Variants in DOCK4 observed in about 807,000 individuals in gnomAD.
DOCK4 encodes dedicator of cytokinesis protein 4.
Under a neutral mutation model 268.1 loss-of-function variants are expected in DOCK4, and 97 were observed. The ratio of observed to expected loss-of-function variants is 0.36; its 90% CI spans 0.31 to 0.43. The LOEUF is 0.43. Ranked by LOEUF, DOCK4 falls within the 20% of genes least tolerant of loss-of-function variation. The pLI, the probability that DOCK4 is intolerant of heterozygous loss-of-function variation, is 1.00. For missense variants in DOCK4, 2,145 were observed against 2,455.7 expected (o/e 0.87, Z 2.67); for synonymous variants, 954 against 887.2 (o/e 1.08, Z -1.34).
intron 30 of DOCK4, among the ~76,000 whole-genome samples, chr7:111,796,942 CA>C (rs1423083946): frequency 5.9e-5 from 9 of 152,160 alleles, no homozygotes; most frequent in African/African-American, 2.2e-4. Flanking sequence ...TGCCGAGATC[CA>C]AAAACCAGAA....
chr7:112,137,879 C>T (rs1814508694), intron 1 of DOCK4, among the ~76,000 whole-genome samples: 1 of 152,168 alleles, frequency 6.6e-6, no homozygotes, highest in South Asian at 2.1e-4. Flanking sequence ...ATAATACTTG[C>T]TTCATAGGCT....
At chr7:112,031,966 A>C (rs1803316561) in intron 1 of DOCK4, among the ~76,000 whole-genome samples, 1 of 152,238 alleles carries the variant, frequency 6.6e-6, no homozygotes, top group Non-Finnish European at 1.5e-5. Flanking sequence ...AAAAGAAGGC[A>C]GTGGGTTTGC....
At position 112,025,291 on chromosome 7, in the gene DOCK4, G is replaced by T. The variant is rs149063551; in HGVS notation, c.38-21160C>A. On this transcript the variant is annotated intron_variant, in intron 1 of 52. Coordinates refer to ENST00000428084, the MANE Select transcript of DOCK4 (RefSeq NM_001363540.2). Reference sequence around the variant, plus strand: ...AAGCTCTCACTGAGCTTCCAATTAGGCTCTATGCAAGGGAAATCACCACAA... The same window carrying T: ...AAGCTCTCACTGAGCTTCCAATTAGTCTCTATGCAAGGGAAATCACCACAA... Among the ~76,000 whole-genome samples the T allele has an allele frequency of 2.0e-4, 31 of 152,178 alleles. No individual in the cohort carries two copies. In the East Asian group the frequency reaches 5.6e-3, roughly 28 times the overall value.
intron 6 of DOCK4, 65 bp from the exon 7 acceptor site, chr7:111,984,455 G>C: frequency 7.1e-7 from 1 of 1,413,854 alleles, no homozygotes; most frequent in East Asian, 2.4e-5. Context: ...AAAAACAATT[G>C]GTTTTTTACT....
chr7:111,878,246 G>A (rs1241005529), intron 16 of DOCK4, among the ~76,000 whole-genome samples: 1 of 152,226 alleles, frequency 6.6e-6, no homozygotes, highest in Non-Finnish European at 1.5e-5. Context: ...TATGGTCCCA[G>A]ATTTGAACAA....
At chr7:112,123,594 G>A (rs1156275187) in intron 1 of DOCK4, among the ~76,000 whole-genome samples, 1 of 152,122 alleles carries the variant, frequency 6.6e-6, no homozygotes, top group Non-Finnish European at 1.5e-5. Flanking sequence ...AAACCTCTTA[G>A]CCCCTGCATA....
rs564039337 is a variant in DOCK4 at position 112,193,598 on chromosome 7, T to TAAA, written c.37+12501_37+12503dup. 8.3e-5 allele frequency among the ~76,000 whole-genome samples: 11 copies of TAAA among 132,216 alleles called. 2 individuals are homozygous for TAAA. The highest frequency in any genetic ancestry group is 2.8e-4 in the African/African-American group (10 of 35,392). The allele number at this position is 132,216 out of a possible 152,430, so 86.7% of individuals were successfully genotyped here. On this transcript the variant is annotated intron_variant, in intron 1 of 52. Coordinates refer to ENST00000428084, the MANE Select transcript of DOCK4 (RefSeq NM_001363540.2). ...TGAGCGACAGAGCCAGACCATGCCTTAAAAAAAAAAAAAAAAAATTCTAGC... is the reference window on the plus strand; with the variant it reads ...TGAGCGACAGAGCCAGACCATGCCTTAAAAAAAAAAAAAAAAAAAAATTCTAGC...
At chr7:112,008,053 C>T (rs1231725031) in intron 1 of DOCK4, among the ~76,000 whole-genome samples, 4 of 152,138 alleles carry the variant, frequency 2.6e-5, no homozygotes, top group Non-Finnish European at 5.9e-5. Context: ...ATTTCCTTTT[C>T]TTGTTTTTCT....
At chr7:112,031,526 C>A (rs961795322) in intron 1 of DOCK4, among the ~76,000 whole-genome samples, 1 of 152,024 alleles carries the variant, frequency 6.6e-6, no homozygotes, top group Non-Finnish European at 1.5e-5. Context: ...GAAAGAAAAC[C>A]AGGCCCAATT....
chr7:111,944,771 T>C (rs1204751898), intron 10 of DOCK4, 40 bp downstream of exon 10: 2 of 1,576,726 alleles, frequency 1.3e-6, no homozygotes, highest in Non-Finnish European at 8.7e-7. Flanking sequence ...TTCTCCTCTC[T>C]GTTCCTTGCC....
rs181567537 is a variant in DOCK4 at position 111,742,223 on chromosome 7, G to A, written c.4678-91C>T. On this transcript the variant is annotated intron_variant, in intron 44 of 52. Coordinates refer to ENST00000428084, the MANE Select transcript of DOCK4 (RefSeq NM_001363540.2). ...GGCCGAGCACTTTACTACGCATTTC[G>A]CTTGCATTATTGCTAATCCTCTGCC... The A allele has an allele frequency of 6.7e-5, 88 of 1,307,202 alleles. 1 individual carries two copies. In the East Asian group the frequency reaches 1.7e-3, roughly 25 times the overall value. The allele number at this position is 1,307,202 out of a possible 1,614,324, so 81.0% of individuals were successfully genotyped here. A position where few individuals can be genotyped will look rare whatever the true frequency, so the allele number is the denominator to read the frequency against.
intron 8 of DOCK4, among the ~76,000 whole-genome samples, chr7:111,964,142 G>C (rs568339266): frequency 6.8e-6 from 1 of 146,112 alleles, no homozygotes; most frequent in South Asian, 2.1e-4. Context: ...ACTCTAAAAC[G>C]CAGAGCGCCT....
intron 8 of DOCK4, among the ~76,000 whole-genome samples, chr7:111,960,313 G>A (rs747817451): frequency 2.1e-4 from 32 of 149,714 alleles, no homozygotes; most frequent in South Asian, 6.3e-4. Flanking sequence ...GCAGTGAGCC[G>A]AGATCGCGCC....
At chr7:111,961,127 T>A (rs1020149746) in intron 8 of DOCK4, among the ~76,000 whole-genome samples, 2 of 152,072 alleles carry the variant, frequency 1.3e-5, no homozygotes, top group African/African-American at 4.8e-5. Context: ...AGTCCTCAGC[T>A]CCCTCTGTCC....
intron 8 of DOCK4, among the ~76,000 whole-genome samples, chr7:111,954,238 A>G (rs758297666): frequency 2.6e-5 from 4 of 152,156 alleles, no homozygotes; most frequent in Non-Finnish European, 4.4e-5. Context: ...AATTCAGAAA[A>G]GCTCAGGCCG....
At chr7:111,830,776 C>A (rs1802758874) in intron 26 of DOCK4, among the ~76,000 whole-genome samples, 1 of 152,016 alleles carries the variant, frequency 6.6e-6, no homozygotes, top group South Asian at 2.1e-4. Context: ...ACACTGCATA[C>A]AATCCACTGT....
intron 1 of DOCK4, among the ~76,000 whole-genome samples, chr7:112,169,636 C>T (rs926657501): frequency 4.6e-5 from 7 of 152,126 alleles, no homozygotes; most frequent in Non-Finnish European, 1.0e-4. Flanking sequence ...ATGCATCTGT[C>T]GACCATCCAA....
intron 1 of DOCK4, among the ~76,000 whole-genome samples, chr7:112,096,584 T>C (rs996994840): frequency 6.6e-6 from 1 of 152,242 alleles, no homozygotes; most frequent in African/African-American, 2.4e-5. Flanking sequence ...CACTTATTTC[T>C]TTGTCACAAC....
At chr7:111,842,715 TAG>T (rs1462707922) in intron 25 of DOCK4, among the ~76,000 whole-genome samples, 1 of 152,100 alleles carries the variant, frequency 6.6e-6, no homozygotes, top group Admixed American at 6.6e-5. Context: ...AGAGGCCTAG[TAG>T]AGAGTCAGGA....
Sources: allele counts gnomAD v4.1 joint callset (sites outside exome capture counted in the v4.1 genomes callset), GRCh38; gene constraint gnomAD v4.1.1; transcripts MANE v1.5; gene names NCBI Gene and HGNC (gene_info 2026-07-23, HGNC 2026-07-21).